Variants in SAMD5 observed in about 807,000 individuals in gnomAD.
SAMD5 encodes sterile alpha motif domain containing 5, also known as sterile alpha motif domain-containing protein 5.
A neutral mutation model predicts 11.3 loss-of-function variants in SAMD5; 13 were observed. The observed-to-expected ratio is 1.15, with a 90% confidence interval of 0.75 to 1.83. The LOEUF (loss-of-function observed/expected upper bound fraction) is 1.83, where lower values mean the gene tolerates loss of function less well. Among genes scored for constraint, SAMD5 ranks in the 40% most tolerant of loss-of-function variants. The pLI is 0.00. For missense variants in SAMD5, 255 were observed against 239.1 expected (o/e 1.07, Z -0.44); for synonymous variants, 129 against 111.3 (o/e 1.16, Z -1.00).
chr6:147,859,861 T>C, the SAMD5 span, among the ~76,000 whole-genome samples: 1 of 152,170 alleles, frequency 6.6e-6, no homozygotes, highest in African/African-American at 2.4e-5. Flanking sequence ...TGAGCATAGG[T>C]CAGATAATAA....
At chr6:147,904,943 C>A in the SAMD5 span, among the ~76,000 whole-genome samples, 1 of 149,998 alleles carries the variant, frequency 6.7e-6, no homozygotes, top group African/African-American at 2.5e-5. Context: ...GGCTGGAGTG[C>A]GATGGTGCGA....
intron 1 of SAMD5, among the ~76,000 whole-genome samples, chr6:147,648,456 G>T (rs747527449): frequency 6.6e-6 from 1 of 152,136 alleles, no homozygotes; most frequent in Admixed American, 6.5e-5. Flanking sequence ...AAGCTGAGAC[G>T]TTGGGTGGAA....
intron 1 of SAMD5, among the ~76,000 whole-genome samples, chr6:147,648,455 C>T (rs544375908): frequency 1.8e-4 from 27 of 152,126 alleles, no homozygotes; most frequent in Non-Finnish European, 3.4e-4. Context: ...CAAGCTGAGA[C>T]GTTGGGTGGA....
intron 1 of SAMD5, among the ~76,000 whole-genome samples, chr6:147,551,820 A>ATATATATATATATATGT (rs1562318602): frequency 1.6e-5 from 1 of 64,014 alleles, no homozygotes; most frequent in African/African-American, 6.1e-5. Flanking sequence ...TGTTATATAT[A>ATATATATATATATATGT]TATATATATA....
chr6:147,643,907 A>C (rs1289441602), intron 1 of SAMD5, among the ~76,000 whole-genome samples: 1 of 139,624 alleles, frequency 7.2e-6, no homozygotes, highest in Non-Finnish European at 1.6e-5. Flanking sequence ...TTCCTAATAC[A>C]TGAGCAAGGG....
chr6:147,675,562 G>A (rs534598662), intron 1 of SAMD5, among the ~76,000 whole-genome samples: 5 of 152,178 alleles, frequency 3.3e-5, no homozygotes, highest in East Asian at 3.9e-4. Flanking sequence ...CTTATTCTAC[G>A]CGGGTTTTGT....
chr6:147,933,179 T>C, the SAMD5 span, among the ~76,000 whole-genome samples: 7 of 152,206 alleles, frequency 4.6e-5, no homozygotes. Flanking sequence ...TGATAAGCTA[T>C]GCTCGTGGTC....
chr6:147,551,082 TAC>T (rs1469838835), intron 1 of SAMD5, among the ~76,000 whole-genome samples: 1 of 152,314 alleles, frequency 6.6e-6, no homozygotes, highest in Admixed American at 6.5e-5. Context: ...CATTCTGTAA[TAC>T]CTTGCTGCCC....
At chr6:147,692,677 C>T (rs1331670997) in intron 1 of SAMD5, among the ~76,000 whole-genome samples, 1 of 152,184 alleles carries the variant, frequency 6.6e-6, no homozygotes, top group Non-Finnish European at 1.5e-5. Flanking sequence ...GCCAGTGACA[C>T]AAGTGTGGTC....
At chr6:147,734,590 G>A (rs2128460266) in intron 1 of SAMD5, among the ~76,000 whole-genome samples, 1 of 151,750 alleles carries the variant, frequency 6.6e-6, no homozygotes, top group East Asian at 1.9e-4. Context: ...TTGGGTGTCT[G>A]TAGTCCCAGC....
downstream of SAMD5, among the ~76,000 whole-genome samples, chr6:147,738,767 A>T (rs2128460585): frequency 6.6e-6 from 1 of 152,348 alleles, no homozygotes; most frequent in East Asian, 1.9e-4. Flanking sequence ...GCCACCCCTG[A>T]CTGTGGCTGA....
the SAMD5 span, among the ~76,000 whole-genome samples, chr6:147,859,231 A>G: frequency 1.9e-4 from 29 of 152,026 alleles, no homozygotes; most frequent in Non-Finnish European, 2.2e-4. Flanking sequence ...GCATAGGGGG[A>G]CGTGATTTAC....
chr6:147,887,920 T>C, the SAMD5 span, among the ~76,000 whole-genome samples: 2 of 152,218 alleles, frequency 1.3e-5, no homozygotes, highest in African/African-American at 4.8e-5. Context: ...TGATGACTAA[T>C]GATGTTAAAC....
the SAMD5 span, among the ~76,000 whole-genome samples, chr6:147,938,742 G>A: frequency 6.6e-6 from 1 of 152,218 alleles, no homozygotes; most frequent in South Asian, 2.1e-4. Flanking sequence ...AGAGTAGGTT[G>A]CTTGAACTGG....
intron 1 of SAMD5, among the ~76,000 whole-genome samples, chr6:147,606,499 G>A (rs1447284760): frequency 6.6e-6 from 1 of 151,564 alleles, no homozygotes; most frequent in Non-Finnish European, 1.5e-5. Context: ...ATGGCACATG[G>A]AACATCTGTT....
chr6:147,937,053 G>A, the SAMD5 span, among the ~76,000 whole-genome samples: 1 of 152,062 alleles, frequency 6.6e-6, no homozygotes, highest in Non-Finnish European at 1.5e-5. Flanking sequence ...AATAGTGCCT[G>A]GAAGATAGAA....
At chr6:147,698,874 G>A (rs1172878161) in intron 1 of SAMD5, among the ~76,000 whole-genome samples, 3 of 152,170 alleles carry the variant, frequency 2.0e-5, no homozygotes, top group Non-Finnish European at 4.4e-5. Flanking sequence ...GGAAGAACGG[G>A]GAGGAGCCAG....
At chr6:147,941,572 CT>C in the SAMD5 span, among the ~76,000 whole-genome samples, 3 of 152,126 alleles carry the variant, frequency 2.0e-5, no homozygotes, top group African/African-American at 4.8e-5. Context: ...GGTACCGTAT[CT>C]GTTTACTTCA....
the SAMD5 span, among the ~76,000 whole-genome samples, chr6:147,830,169 GAA>G: frequency 6.7e-6 from 1 of 149,866 alleles, no homozygotes; most frequent in Non-Finnish European, 1.5e-5. Flanking sequence ...GAATTGGAGA[GAA>G]AGAATAGGAG....
Sources: gnomAD v4.1 joint callset for allele counts (sites outside exome capture counted in the v4.1 genomes callset) on GRCh38, gnomAD v4.1.1 for gene constraint, MANE v1.5 for transcripts, NCBI Gene and HGNC (gene_info 2026-07-23, HGNC 2026-07-21) for gene names.